MYO15A: variants seen among roughly 807,000 people sequenced by gnomAD.
The protein encoded by MYO15A is myosin XVA, also known as unconventional myosin-XV.
MYO15A carries 308 observed loss-of-function variants against 394.6 expected under a neutral mutation model. That is an observed-to-expected ratio of 0.78 (90% CI 0.71 to 0.86). The LOEUF (loss-of-function observed/expected upper bound fraction) is 0.86. Ranked by LOEUF, MYO15A falls within the 40% of genes least tolerant of loss-of-function variation. The probability of loss-of-function intolerance (pLI) is 0.00; values close to 1 mark genes in which losing one functional copy is unlikely to be tolerated. For missense variants in MYO15A, 4,606 were observed against 4,799.1 expected, an observed-to-expected ratio of 0.96 and a Z score of 1.19; for synonymous variants, 1,957 against 2,003.8, an observed-to-expected ratio of 0.98 and a Z score of 0.62.
At position 18,138,850 on chromosome 17, in the gene MYO15A, C is replaced by G. The variant is rs746768862; in HGVS notation, c.5047C>G (p.His1683Asp). ...CTTCCTACAGAAGTGCCACTACCATCATGGCGCCAACCCGCTCTATTCCAA... is the reference window on the plus strand; with the variant it reads ...CTTCCTACAGAAGTGCCACTACCATGATGGCGCCAACCCGCTCTATTCCAA... ...HTFLQKCHYH[H>D]GANPLYSKPK... Residue 1683 changes from histidine to aspartate, a missense_variant, in exon 18 of 66, where the codon CAT becomes GAT. Transcript: ENST00000647165. The G allele has an allele frequency of 5.0e-6, 8 of 1,613,910 alleles. No individual in the cohort carries two copies. The highest frequency in any genetic ancestry group is 1.1e-5 in the South Asian group (1 of 91,034).
intron 62 of MYO15A, among the ~76,000 whole-genome samples, chr17:18,169,858 GAGA>G (rs1425943502): frequency 6.6e-6 from 1 of 151,350 alleles, no homozygotes; most frequent in Non-Finnish European, 1.5e-5. Flanking sequence ...CCAGTAACTG[GAGA>G]AGCTGAGGTG....
At position 18,139,213 on chromosome 17, in the gene MYO15A, A is replaced by G. The variant is rs854783; in HGVS notation, c.5133+277A>G. 0.73 allele frequency: 444,022 copies of G among 610,548 alleles called. 163,083 individuals carry two copies. The highest frequency in any genetic ancestry group is 0.8 in the African/African-American group (43,562 of 54,356). 37.8% of individuals were successfully genotyped at this position (610,548 alleles called of 1,614,324 possible). On this transcript the variant is annotated intron_variant, in intron 18 of 65. Transcript: ENST00000647165. ...GTAGCTCATCAATAGTGACATCACT[A>G]TGGTCACCCTCATCACTATTATCTG...
intron 2 of MYO15A, chr17:18,124,089 A>G (rs963856758): frequency 6.6e-6 from 2 of 302,400 alleles, no homozygotes; most frequent in African/African-American, 4.3e-5. Context: ...GCCCTCCTAG[A>G]GGCCCCATGC....
chr17:18,153,175 G>T lies in MYO15A; in HGVS notation c.7967-600G>T, dbSNP rs373783080. Among the ~76,000 whole-genome samples the T allele has an allele frequency of 3.2e-4, 49 of 152,218 alleles. No individual in the cohort carries two copies. Among genetic ancestry groups the T allele is most frequent in the African/African-American group, 1.1e-3 (46 of 41,516 alleles). On this transcript the variant is annotated intron_variant, in intron 42 of 65. Coordinates refer to ENST00000647165, the MANE Select transcript of MYO15A (RefSeq NM_016239.4). This position sits in a 1 kb window ranked among gnomAD's most constrained non-coding sequence, Gnocchi z 4.1. ...TCCCAGCACTTTGGGAGTCCGAGGC[G>T]GGCGGATCACAAGGTCAAGAGATCA...
At chr17:18,118,435 C>T in intron 1 of MYO15A, 147 bp from the exon 2 acceptor site, 1 of 308,792 alleles carries the variant, frequency 3.2e-6, no homozygotes, top group South Asian at 3.8e-5. Context: ...GTTGAGCCAG[C>T]TGTGGCCCAG....
At chr17:18,142,628 G>A in intron 24 of MYO15A, 128 bp from the exon 25 acceptor site, 1 of 812,000 alleles carries the variant, frequency 1.2e-6, no homozygotes, top group Non-Finnish European at 2.1e-6. Flanking sequence ...TTCCCTTTGA[G>A]CCAAAGGACC....
At position 18,119,512 on chromosome 17, in the gene MYO15A, T is replaced by G. The variant is rs760917315; in HGVS notation, c.712T>G (p.Tyr238Asp). 6 of 1,611,692 alleles carry G rather than the reference T, an allele frequency of 3.7e-6. No homozygotes were observed. In the African/African-American group the frequency reaches 6.7e-5, roughly 18 times the overall value. ...GFQDLGEYYD[Y>D]HRDGDDYYDR... Reference sequence around the variant, plus strand: ...CCAGGACCTGGGCGAGTATTATGACTATCACCGCGACGGCGACGACTACTA... The same window carrying G: ...CCAGGACCTGGGCGAGTATTATGACGATCACCGCGACGGCGACGACTACTA... The change falls in exon 2 of 66, where the codon TAT becomes GAT. Residue 238 changes from tyrosine (Y) to aspartate (D), a missense_variant. Transcript: ENST00000647165.
Position 18,120,728 on chromosome 17 carries a change from G to C in MYO15A, c.1928G>C (p.Arg643Pro). 2 of 1,473,968 alleles carry C rather than the reference G, an allele frequency of 1.4e-6. No homozygotes were observed. Among genetic ancestry groups the C allele is most frequent in the Non-Finnish European group, 1.8e-6 (2 of 1,123,004 alleles). The allele number at this position is 1,473,968 out of a possible 1,614,324, so 91.3% of individuals were successfully genotyped here. Residue 643 changes from arginine to proline, a missense_variant, in exon 2 of 66, where the codon CGC becomes CCC. Arg to Pro is a moderately radical substitution (Grantham distance 103). This residue lies in a region of MYO15A where 1,830 missense variants were observed against 1,689.7 expected (regional missense o/e 1.08). Coordinates refer to ENST00000647165, the MANE Select transcript of MYO15A (RefSeq NM_016239.4). ...GCTCGCAGCAGCAACGACGCGCGCC[G>C]CCCGCCCGCGCCACAGCCCGCGCCC... The part of the protein sequence containing the change: ...PRARSSNDAR[R>P]PPAPQPAPRT...
At position 18,175,292 on chromosome 17, in the gene MYO15A, C is replaced by CTTTTTTTTTTTTTTTTTTTT. The variant is rs1182500584; in HGVS notation, c.10491+1387_10491+1388insTTTTTTTTTTTTTTTTTTTT. On this transcript the variant is annotated intron_variant, in intron 65 of 65. Transcript: ENST00000647165. ...TCTGGTCTTTCCTCCTCTAGACTAT[C>CTTTTTTTTTTTTTTTTTTTT]TTTTTTTTTTTTTTTTGAGGCAAAG... Among the ~76,000 whole-genome samples the CTTTTTTTTTTTTTTTTTTTT allele has an allele frequency of 4.9e-4, 45 of 91,284 alleles. 7 individuals carry two copies. The highest frequency in any genetic ancestry group is 6.3e-4 in the Non-Finnish European group (28 of 44,436). 59.9% of individuals were successfully genotyped at this position (91,284 alleles called of 152,430 possible).
chr17:18,149,694 G>A, intron 35 of MYO15A, 114 bp downstream of exon 35: 2 of 1,091,248 alleles, frequency 1.8e-6, no homozygotes, highest in Admixed American at 1.9e-5. Flanking sequence ...TCATGGGGTG[G>A]TGTGTCCCAT....
At chr17:18,122,479 T>C in intron 2 of MYO15A, 70 bp downstream of exon 2, 1 of 1,544,386 alleles carries the variant, frequency 6.5e-7, no homozygotes, top group Non-Finnish European at 8.7e-7. Context: ...AGAGACAGCC[T>C]GAGGAGCCCT....
At chr17:18,151,621 C>A in intron 40 of MYO15A, 94 bp downstream of exon 40, 1 of 1,523,002 alleles carries the variant, frequency 6.6e-7, no homozygotes. Flanking sequence ...AGCGCCCTGC[C>A]CAGCTCCTGT....
Position 18,121,471 on chromosome 17 carries a change from T to C in MYO15A, c.2671T>C (p.Phe891Leu). The C allele has an allele frequency of 6.5e-7, 1 of 1,550,076 alleles. No homozygotes were observed. Among genetic ancestry groups the C allele is most frequent in the Non-Finnish European group, 8.7e-7 (1 of 1,147,276 alleles). Residue 891 changes from phenylalanine (F) to leucine (L), a missense_variant, in exon 2 of 66, where the codon TTC becomes CTC. This residue lies in a region of MYO15A where 1,830 missense variants were observed against 1,689.7 expected (regional missense o/e 1.08). Coordinates refer to ENST00000647165, the MANE Select transcript of MYO15A (RefSeq NM_016239.4). The surrounding 1 kb of genome is among the most constrained non-coding windows in gnomAD (Gnocchi z 5.3). ...TGTGAAGCCGCAAGTGCGCCTGCCC[T>C]TCCACCGACCGCCCAGGGCCGGGGC... Reference protein sequence around the residue: ...RAVKPQVRLPFHRPPRAGAWR... With the variant: ...RAVKPQVRLPLHRPPRAGAWR...
At chr17:18,133,459 G>A in intron 12 of MYO15A, 73 bp downstream of exon 12, 1 of 1,580,646 alleles carries the variant, frequency 6.3e-7, no homozygotes. Flanking sequence ...GGCCTTCTCT[G>A]TTTCCCTTTC....
chr17:18,160,706 A>C, intron 56 of MYO15A: 1 of 201,512 alleles, frequency 5.0e-6, no homozygotes, highest in African/African-American at 2.3e-5. Context: ...TGGTTTCCCA[A>C]AGGAAGCCCA....
In MYO15A at chr17:18,155,376, G is replaced by C; in HGVS notation, c.8403G>C (p.Arg2801Ser). ...AVSHVGIKLL[R>S]MVKGGQEAGG... is the part of the protein sequence containing the mutation. Reference sequence around the variant, plus strand: ...CCCACGTGGGCATCAAACTCCTGAGGATGGTCAAGGGTGGCCAGGAGGCCG... The same window carrying C: ...CCCACGTGGGCATCAAACTCCTGAGCATGGTCAAGGGTGGCCAGGAGGCCG... Residue 2801 changes from arginine to serine, a missense_variant, in exon 47 of 66, where the codon AGG (arginine) becomes AGC (serine). Physicochemically the swap from Arg to Ser is moderately radical, Grantham distance 110. Around this residue, in one of 2 missense-constraint regions of MYO15A, gnomAD observed 2,776 missense variants for 3,109.3 expected, o/e 0.89. Transcript: ENST00000647165. The C allele has an allele frequency of 6.2e-7, 1 of 1,613,784 alleles. No homozygotes were observed. The highest frequency in any genetic ancestry group is 8.5e-7 in the Non-Finnish European group (1 of 1,180,034).
chr17:18,125,151 T>G lies in MYO15A; in HGVS notation c.3693-17T>G. 1 of 1,613,934 alleles carries G rather than the reference T, an allele frequency of 6.2e-7. No homozygotes were observed. The highest frequency in any genetic ancestry group is 8.5e-7 in the Non-Finnish European group (1 of 1,179,862). ...CAGCCCTGGGGGCACTGACGGCTTC[T>G]CTCTGTGTCCTTCTAGAGACCTCCA... On this transcript the variant is annotated splice_polypyrimidine_tract_variant and intron_variant, in intron 3 of 65. Transcript: ENST00000647165.
intron 13 of MYO15A, 146 bp downstream of exon 13, chr17:18,135,970 C>G: frequency 1.4e-6 from 1 of 717,982 alleles, no homozygotes; most frequent in Non-Finnish European, 2.4e-6. Flanking sequence ...TAATTTCAGA[C>G]CCCAGAGACA....
Position 18,138,923 on chromosome 17 carries a change from A to G in MYO15A, c.5120A>G (p.Lys1707Arg). Reference protein sequence around the residue: ...PEFTIKHYAGKVTYQVHKFLD... With the variant: ...PEFTIKHYAGRVTYQVHKFLD... ...TTCACCATCAAGCACTATGCAGGCA[A>G]GGTCACCTACCAGGTGAGCCCTAAG... The change falls in exon 18 of 66, where the codon AAG becomes AGG. Residue 1707 changes from lysine (K) to arginine (R), a missense_variant. By Grantham distance (26) the Lys-to-Arg change is conservative (BLOSUM62 2). This residue lies in a region of MYO15A where 2,776 missense variants were observed against 3,109.3 expected (regional missense o/e 0.89). Transcript: ENST00000647165. 5 of 1,612,648 alleles carry G rather than the reference A, an allele frequency of 3.1e-6. No individual in the cohort carries two copies. The highest frequency in any genetic ancestry group is 4.2e-6 in the Non-Finnish European group (5 of 1,179,360).
Sources: gnomAD v4.1 joint callset for allele counts (sites outside exome capture counted in the v4.1 genomes callset) on GRCh38, gnomAD v4.1.1 for gene constraint, gnomAD v4.1.1 regional missense constraint, Gnocchi (gnomAD v3.1) non-coding constraint, MANE v1.5 for transcripts, NCBI Gene and HGNC (gene_info 2026-07-23, HGNC 2026-07-21) for gene names.